Variants in ITGAV observed in about 807,000 individuals in gnomAD.
ITGAV encodes integrin alpha-V.
Under a neutral mutation model 143.8 loss-of-function variants are expected in ITGAV, and 76 were observed. That is an observed-to-expected ratio of 0.53 (90% CI 0.44 to 0.64). ITGAV has a LOEUF of 0.64. Ranked by LOEUF, ITGAV falls within the 30% of genes least tolerant of loss-of-function variation. The probability of loss-of-function intolerance (pLI) is 0.00; values close to 1 mark genes in which losing one functional copy is unlikely to be tolerated. For synonymous variants in ITGAV, 453 were observed against 446.7 expected, an observed-to-expected ratio of 1.01 and a Z score of -0.18; for missense variants, 1,193 against 1,274.7, an observed-to-expected ratio of 0.94 and a Z score of 0.98.
intron 2 of ITGAV, among the ~76,000 whole-genome samples, chr2:186,610,003 C>T (rs1687170509): frequency 6.6e-6 from 1 of 152,048 alleles, no homozygotes; most frequent in Admixed American, 6.5e-5. Flanking sequence ...GGATCTAGAG[C>T]CCCATAGGGA....
chr2:186,648,139 A>T (rs1470097719), intron 13 of ITGAV, among the ~76,000 whole-genome samples: 1 of 152,190 alleles, frequency 6.6e-6, no homozygotes, highest in Non-Finnish European at 1.5e-5. Flanking sequence ...AAATAGCTGC[A>T]TCATATCTTA....
intron 1 of ITGAV, among the ~76,000 whole-genome samples, chr2:186,592,247 G>C (rs1686633407): frequency 6.6e-6 from 1 of 152,118 alleles, no homozygotes; most frequent in South Asian, 2.1e-4. Context: ...AGACCAACCT[G>C]GGCAACATGG....
intron 13 of ITGAV, among the ~76,000 whole-genome samples, chr2:186,648,306 C>T (rs1048511344): frequency 1.3e-5 from 2 of 152,162 alleles, no homozygotes; most frequent in African/African-American, 4.8e-5. Flanking sequence ...ATCCCACTCC[C>T]TCCACAGGAA....
At chr2:186,643,175 A>G (rs1444124681) in intron 12 of ITGAV, among the ~76,000 whole-genome samples, 2 of 152,204 alleles carry the variant, frequency 1.3e-5, no homozygotes, top group Admixed American at 1.3e-4. Flanking sequence ...GTTACTTTAA[A>G]GAAAGTTTTC....
intron 13 of ITGAV, among the ~76,000 whole-genome samples, chr2:186,647,970 C>G (rs1224641113): frequency 2.0e-5 from 3 of 152,122 alleles, no homozygotes; most frequent in African/African-American, 7.2e-5. Flanking sequence ...GAAAATACAT[C>G]AAAGCATATC....
At chr2:186,672,167 T>C (rs1323641267) in intron 26 of ITGAV, among the ~76,000 whole-genome samples, 1 of 152,042 alleles carries the variant, frequency 6.6e-6, no homozygotes, top group East Asian at 1.9e-4. Context: ...TTAGCCAGGA[T>C]GCTTGATCTC....
At chr2:186,677,083 T>A in intron 29 of ITGAV, 114 bp from the exon 30 acceptor site, 2 of 1,198,590 alleles carry the variant, frequency 1.7e-6, no homozygotes, top group Non-Finnish European at 2.4e-6. Flanking sequence ...TGAGGGAAGA[T>A]AAATTTTATG....
intron 17 of ITGAV, among the ~76,000 whole-genome samples, chr2:186,658,112 T>TA (rs1688641685): frequency 1.3e-5 from 2 of 152,092 alleles, no homozygotes; most frequent in Admixed American, 1.3e-4. Context: ...TAGCAGTTTG[T>TA]AAAAAAAGAT....
chr2:186,640,252 G>A (rs1233346878), intron 10 of ITGAV, among the ~76,000 whole-genome samples: 1 of 152,152 alleles, frequency 6.6e-6, no homozygotes, highest in African/African-American at 2.4e-5. Context: ...CTGTGGTAGG[G>A]AAGAGGACAT....
chr2:186,668,583 C>T, intron 24 of ITGAV, 179 bp from the exon 25 acceptor site: 1 of 577,100 alleles, frequency 1.7e-6, no homozygotes, highest in Non-Finnish European at 3.1e-6. Flanking sequence ...GTGTTAGAGA[C>T]AAATGTTGAG....
chr2:186,662,182 C>T (rs1433857329), intron 18 of ITGAV, among the ~76,000 whole-genome samples: 1 of 152,106 alleles, frequency 6.6e-6, no homozygotes, highest in South Asian at 2.1e-4. Context: ...GTTATACATA[C>T]CTTATCACTA....
chr2:186,673,716 G>T (rs906516402), intron 26 of ITGAV, among the ~76,000 whole-genome samples: 58 of 151,964 alleles, frequency 3.8e-4, no homozygotes, highest in Non-Finnish European at 2.9e-5. Context: ...TGTCCAGGCT[G>T]GAGTGCAATG....
intron 1 of ITGAV, 27 bp downstream of exon 1, chr2:186,590,550 C>T: frequency 6.3e-7 from 1 of 1,595,030 alleles, no homozygotes; most frequent in Non-Finnish European, 8.5e-7. Flanking sequence ...GGAACTGGAG[C>T]CGGCCCCCTC....
chr2:186,591,005 T>C (rs916543080), intron 1 of ITGAV, among the ~76,000 whole-genome samples: 1 of 152,248 alleles, frequency 6.6e-6, no homozygotes, highest in Non-Finnish European at 1.5e-5. Flanking sequence ...CGCCTCTGTC[T>C]GATTCTGTTT....
At chr2:186,660,192 ATCACTACTTTTGATTAATTTTCCAAACTC>A (rs1688706123) in intron 18 of ITGAV, among the ~76,000 whole-genome samples, 1 of 152,126 alleles carries the variant, frequency 6.6e-6, no homozygotes, top group Non-Finnish European at 1.5e-5. Context: ...TATCATTGTT[ATCACTACTTTTGATTAATTTTCCAAACTC>A]CCCATCCAAT....
chr2:186,641,785 G>A (rs1688110689), intron 12 of ITGAV, 197 bp downstream of exon 12: 7 of 574,152 alleles, frequency 1.2e-5, no homozygotes. Flanking sequence ...TTTCAATAAT[G>A]GACTCTCATG....
In ITGAV at chr2:186,646,871, T is replaced by A; in HGVS notation, c.1345T>A (p.Tyr449Asn). The change falls in exon 13 of 30, where the codon TAT (tyrosine) becomes AAT (asparagine). Residue 449 changes from tyrosine to asparagine, a missense_variant. Tyr to Asn is a moderately radical substitution (Grantham distance 143). Transcript: ENST00000261023. ...AGCCACAGATATAGACAAAAATGGA[T>A]ATCCAGGTGCTTTCTTATCAACACA... ...KGATDIDKNG[Y>N]PDLIVGAFGV... 6.3e-7 allele frequency: 1 copy of A among 1,579,692 alleles called. No homozygotes were observed. Among genetic ancestry groups the A allele is most frequent in the South Asian group, 1.1e-5 (1 of 87,472 alleles).
chr2:186,652,177 A>C (rs1223737514), intron 15 of ITGAV, 88 bp downstream of exon 15: 6 of 781,064 alleles, frequency 7.7e-6, no homozygotes, highest in Non-Finnish European at 1.3e-5. Flanking sequence ...GTAGGGCTGA[A>C]ATATTGCTAA....
At chr2:186,668,185 C>CATATATGTATAT (rs1553505647) in intron 24 of ITGAV, among the ~76,000 whole-genome samples, 280 of 19,072 alleles carry the variant, frequency 0.015, 29 homozygotes, top group Middle Eastern at 0.028. Flanking sequence ...TACATACATA[C>CATATATGTATAT]ATATATATAT....
Sources: allele counts gnomAD v4.1 joint callset (sites outside exome capture counted in the v4.1 genomes callset), GRCh38; gene constraint gnomAD v4.1.1; transcripts MANE v1.5; gene names NCBI Gene and HGNC (gene_info 2026-07-23, HGNC 2026-07-21).